TSNARE1: variants seen among roughly 807,000 people sequenced by gnomAD.
TSNARE1 encodes t-SNARE domain-containing protein 1.
A neutral mutation model predicts 62.0 loss-of-function variants in TSNARE1; 49 were observed. The ratio of observed to expected loss-of-function variants is 0.79; its 90% CI spans 0.63 to 1.00. The LOEUF (loss-of-function observed/expected upper bound fraction) is 1.00, where lower values mean the gene tolerates loss of function less well. TSNARE1 is among the 50% of genes least tolerant of loss of function. TSNARE1 has a pLI of 0.00. For missense variants in TSNARE1, 755 were observed against 700.1 expected, an observed-to-expected ratio of 1.08 and a Z score of -0.88; for synonymous variants, 328 against 294.4, an observed-to-expected ratio of 1.11 and a Z score of -1.17.
chr8:142,278,562 G>T (rs755216518), intron 11 of TSNARE1: 9 of 985,476 alleles, frequency 9.1e-6, no homozygotes, highest in Middle Eastern at 5.2e-4. Flanking sequence ...TTGAGGAGGA[G>T]AGGAGGTGCG....
intron 12 of TSNARE1, chr8:142,270,576 C>T: frequency 1.0e-6 from 1 of 984,980 alleles, no homozygotes; most frequent in Non-Finnish European, 1.2e-6. Context: ...TGGGCCAGAA[C>T]CACGTAGGGC....
At chr8:142,311,117 T>C (rs988497774) in intron 9 of TSNARE1, among the ~76,000 whole-genome samples, 2 of 151,652 alleles carry the variant, frequency 1.3e-5, no homozygotes, top group African/African-American at 4.8e-5. Flanking sequence ...CCCAAAGTGC[T>C]GGGATTACAG....
At chr8:142,230,154 A>T (rs1194138341) in intron 12 of TSNARE1, among the ~76,000 whole-genome samples, 1 of 152,242 alleles carries the variant, frequency 6.6e-6, no homozygotes, top group Admixed American at 6.5e-5. Context: ...GGGACTGATT[A>T]GATAGGGATT....
At chr8:142,223,978 G>C (rs1348835760) in intron 13 of TSNARE1, among the ~76,000 whole-genome samples, 2 of 152,290 alleles carry the variant, frequency 1.3e-5, no homozygotes, top group Non-Finnish European at 2.9e-5. Context: ...CCCAGGCAGG[G>C]CTTTCTGAAG....
At chr8:142,254,205 G>A (rs1045678185) in intron 12 of TSNARE1, among the ~76,000 whole-genome samples, 1 of 152,190 alleles carries the variant, frequency 6.6e-6, no homozygotes, top group African/African-American at 2.4e-5. Flanking sequence ...CTGTTTGCAG[G>A]AGGCAGGGTA....
At chr8:142,355,417 T>C (rs1358821860) in intron 1 of TSNARE1, among the ~76,000 whole-genome samples, 1 of 152,206 alleles carries the variant, frequency 6.6e-6, no homozygotes, top group Non-Finnish European at 1.5e-5. Context: ...CACATTATGG[T>C]TGGCAAACAG....
chr8:142,277,919 C>G, intron 11 of TSNARE1: 1 of 985,380 alleles, frequency 1.0e-6, no homozygotes, highest in Non-Finnish European at 1.2e-6. Context: ...TTCTCAGCCC[C>G]ACACCACATG....
At chr8:142,363,909 T>C (rs1835343248) in intron 1 of TSNARE1, among the ~76,000 whole-genome samples, 1 of 152,158 alleles carries the variant, frequency 6.6e-6, no homozygotes, top group Non-Finnish European at 1.5e-5. Context: ...CATGTGGAGA[T>C]GTGTAGGACC....
intron 11 of TSNARE1, among the ~76,000 whole-genome samples, chr8:142,283,312 A>G (rs1452928704): frequency 1.3e-5 from 2 of 151,682 alleles, no homozygotes; most frequent in Non-Finnish European, 2.9e-5. Flanking sequence ...AGGCGGGGCC[A>G]GTGTCTGCCA....
chr8:142,354,792 G>A (rs775705324), intron 1 of TSNARE1, 29 bp from the exon 2 acceptor site: 2 of 1,330,458 alleles, frequency 1.5e-6, no homozygotes, highest in Non-Finnish European at 2.2e-6. Flanking sequence ...GCAGGGGGAA[G>A]AGGGGGAAGA....
chr8:142,369,303 G>A (rs541347673), intron 1 of TSNARE1, among the ~76,000 whole-genome samples: 4 of 152,292 alleles, frequency 2.6e-5, no homozygotes, highest in South Asian at 2.1e-4. Context: ...AACAAAACCC[G>A]AATCCAGGGC....
intron 12 of TSNARE1, among the ~76,000 whole-genome samples, chr8:142,241,208 C>T (rs1817656401): frequency 1.3e-5 from 2 of 152,144 alleles, no homozygotes; most frequent in Admixed American, 6.5e-5. Flanking sequence ...AAATCAGTCA[C>T]GTTTCTATAC....
At chr8:142,398,349 G>GCCCAAAACATGCCCCCGGCCCTA (rs1280828692) in intron 1 of TSNARE1, among the ~76,000 whole-genome samples, 1 of 94,912 alleles carries the variant, frequency 1.1e-5, no homozygotes, top group Non-Finnish European at 2.1e-5. Flanking sequence ...CCCTAGCCCT[G>GCCCAAAACATGCCCCCGGCCCTA]CCCAAAACAT....
At chr8:142,393,916 T>C (rs1451838044) in intron 1 of TSNARE1, among the ~76,000 whole-genome samples, 1 of 152,192 alleles carries the variant, frequency 6.6e-6, no homozygotes, top group Non-Finnish European at 1.5e-5. Flanking sequence ...GTTGCAGCCG[T>C]GTGGTTCCTC....
intron 9 of TSNARE1, among the ~76,000 whole-genome samples, chr8:142,308,153 G>A (rs746233300): frequency 2.4e-4 from 37 of 152,134 alleles, no homozygotes; most frequent in Non-Finnish European, 4.1e-4. Flanking sequence ...CTTTTCACAC[G>A]TGTTGTACAA....
chr8:142,275,647 G>A (rs1820348388), intron 11 of TSNARE1: 1 of 985,358 alleles, frequency 1.0e-6, no homozygotes, highest in Non-Finnish European at 1.2e-6. Flanking sequence ...GCACGGGCAA[G>A]CCTTCTTCCC....
chr8:142,300,203 G>A (rs974624735), intron 10 of TSNARE1: 4 of 323,284 alleles, frequency 1.2e-5, no homozygotes, highest in Non-Finnish European at 2.3e-5. Flanking sequence ...TGACTGAGAG[G>A]CTACCCCAGC....
chr8:142,249,568 G>A (rs1223537042), intron 12 of TSNARE1, among the ~76,000 whole-genome samples: 6 of 152,230 alleles, frequency 3.9e-5, no homozygotes, highest in African/African-American at 1.2e-4. Context: ...CGGAGGCAGC[G>A]GTTTCAAGCA....
intron 12 of TSNARE1, among the ~76,000 whole-genome samples, chr8:142,267,574 A>G (rs1252607336): frequency 6.6e-6 from 1 of 151,916 alleles, no homozygotes; most frequent in Non-Finnish European, 1.5e-5. Flanking sequence ...CCCCTCCAAT[A>G]CCACCCTGGG....
Sources: gnomAD v4.1 joint callset for allele counts (sites outside exome capture counted in the v4.1 genomes callset) on GRCh38, gnomAD v4.1.1 for gene constraint, MANE v1.5 for transcripts, NCBI Gene and HGNC (gene_info 2026-07-23, HGNC 2026-07-21) for gene names.